The following RPS6KA4 variants were observed in gnomAD, a reference collection of about 807,000 sequenced individuals.
RPS6KA4 encodes the protein ribosomal protein S6 kinase A4.
Under a neutral mutation model 89.6 loss-of-function variants are expected in RPS6KA4, and 38 were observed. The ratio of observed to expected loss-of-function variants is 0.42; its 90% confidence interval spans 0.33 to 0.56. RPS6KA4 has a LOEUF of 0.56. Among genes scored for constraint, RPS6KA4 ranks in the 20% least tolerant of loss-of-function variants. The pLI is 0.07. For synonymous variants in RPS6KA4, 495 were observed against 492.8 expected (o/e 1.00, Z -0.06); for missense variants, 873 against 1,098.8 (o/e 0.79, Z 2.90).
In RPS6KA4 at chr11:64,365,428, C is replaced by A; in HGVS notation, c.1034C>A (p.Pro345His). 1 of 1,614,078 alleles carries A rather than the reference C, an allele frequency of 6.2e-7. No individual in the cohort carries two copies. Among genetic ancestry groups the A allele is most frequent in the Non-Finnish European group, 8.5e-7 (1 of 1,180,018 alleles). The change falls in exon 9 of 17, where the codon CCT (proline) becomes CAT (histidine). Residue 345 changes from proline (P) to histidine (H), a missense_variant. By Grantham distance (77) the Pro-to-His change is moderately conservative. Coordinates refer to ENST00000334205, the MANE Select transcript of RPS6KA4 (RefSeq NM_003942.3). ...CGGCTGGAGCCTGTCTACTCACCCC[C>A]TGGCAGCCCCCCACCTGGGGACCCC... is the stretch of plus-strand genomic sequence containing the variant. ...FTRLEPVYSP[P>H]GSPPPGDPRI...
chr11:64,365,729 A>G (rs1431218027), intron 9 of RPS6KA4, among the ~76,000 whole-genome samples: 1 of 152,200 alleles, frequency 6.6e-6, no homozygotes, highest in Non-Finnish European at 1.5e-5. Context: ...TTGTTATGTA[A>G]AAATATTGTT....
chr11:64,361,569 G>A lies in RPS6KA4; in HGVS notation c.651+20G>A. 1.2e-6 allele frequency: 2 copies of A among 1,613,976 alleles called. No individual in the cohort carries two copies. Among genetic ancestry groups the A allele is most frequent in the Non-Finnish European group, 1.7e-6 (2 of 1,179,992 alleles). On this transcript the variant is annotated intron_variant, in intron 6 of 16. Transcript: ENST00000334205. The surrounding 1 kb of genome is among the most constrained non-coding windows in gnomAD (Gnocchi z 4.7). Reference sequence around the variant, plus strand: ...GGCAAGGTAGGTTGGCAGGGAAGTGGGGCTGGGGGAGGTGGAAAGGTGGGG... The same window carrying A: ...GGCAAGGTAGGTTGGCAGGGAAGTGAGGCTGGGGGAGGTGGAAAGGTGGGG...
intron 4 of RPS6KA4, 151 bp downstream of exon 4, chr11:64,360,743 C>A: frequency 1.5e-6 from 1 of 678,138 alleles, no homozygotes; most frequent in Non-Finnish European, 2.4e-6. Context: ...TTCCCCTGGA[C>A]CCCTTGCAGG....
At chr11:64,362,637 C>T (rs2036785207) in intron 8 of RPS6KA4, among the ~76,000 whole-genome samples, 2 of 152,222 alleles carry the variant, frequency 1.3e-5, no homozygotes, top group South Asian at 4.1e-4. Flanking sequence ...TGTGTCGGCC[C>T]TTTGCGGACA....
rs1042013912 is a variant in RPS6KA4, at chr11:64,370,574, G to C, written c.1969G>C (p.Val657Leu). The C allele has an allele frequency of 6.3e-7, 1 of 1,592,678 alleles. No homozygotes were observed. Among genetic ancestry groups the C allele is most frequent in the Non-Finnish European group, 8.5e-7 (1 of 1,175,950 alleles). The change falls in exon 16 of 17, where the codon GTG becomes CTG. Residue 657 changes from valine (V) to leucine (L), a missense_variant. Val to Leu is a conservative substitution (Grantham distance 32). This residue lies in a region of RPS6KA4 where 278 missense variants were observed against 284.8 expected (regional missense o/e 0.98). Transcript: ENST00000334205. The surrounding 1 kb of genome is among the most constrained non-coding windows in gnomAD (Gnocchi z 4.1). ...AKELVRGLLT[V>L]DPAKRLKLEG... ...TGCCCCGCCTCCAGGGCTCCTGACC[G>C]TGGACCCCGCCAAGCGGCTGAAGCT... is the stretch of plus-strand genomic sequence containing the variant.
intron 12 of RPS6KA4, 142 bp from the exon 13 acceptor site, chr11:64,369,300 CAAAG>C (rs59909471): frequency 1.2e-5 from 9 of 748,720 alleles, no homozygotes; most frequent in Middle Eastern, 4.2e-4. Flanking sequence ...AAAAAAGTAA[CAAAG>C]AAAGAAAGAA....
Position 64,362,105 on chromosome 11 carries a change from C to T in RPS6KA4, c.906+103C>T, listed in dbSNP as rs945154371. On this transcript the variant is annotated intron_variant, in intron 8 of 16. Transcript: ENST00000334205. Reference sequence around the variant, plus strand: ...GCCAGTTTCACTTTATTTGGAAATCCCCCCAGAGAAAGAAAGCAAGTGTGT... The same window carrying T: ...GCCAGTTTCACTTTATTTGGAAATCTCCCCAGAGAAAGAAAGCAAGTGTGT... The T allele has an allele frequency of 1.5e-5, 21 of 1,377,656 alleles. No individual in the cohort carries two copies. In the African/African-American group the frequency reaches 3.2e-4, roughly 21 times the overall value. 85.3% of individuals were successfully genotyped at this position (1,377,656 alleles called of 1,614,324 possible).
In RPS6KA4 at chr11:64,360,365, G is replaced by A; in HGVS notation, c.330G>A (p.Lys110=). 1.3e-6 allele frequency: 2 copies of A among 1,550,202 alleles called. No individual in the cohort carries two copies. Among genetic ancestry groups the A allele is most frequent in the Non-Finnish European group, 1.7e-6 (2 of 1,146,488 alleles). ...ACTACGCTTTCCAGACGGATGCCAA[G>A]CTGCACCTCATCCTGGGTGAGCGCA... ...TLHYAFQTDA[K]LHLILDYVSG... The change falls in exon 3 of 17, where the codon AAG becomes AAA. Residue 110 remains lysine (K), a synonymous_variant. Transcript: ENST00000334205.
chr11:64,365,496 G>A, intron 9 of RPS6KA4, 31 bp downstream of exon 9: 1 of 1,611,982 alleles, frequency 6.2e-7, no homozygotes, highest in Non-Finnish European at 8.5e-7. Flanking sequence ...CCCAGATGCA[G>A]GAGAGATGAG....
At chr11:64,368,002 A>G in intron 9 of RPS6KA4, 130 bp from the exon 10 acceptor site, 1 of 876,918 alleles carries the variant, frequency 1.1e-6, no homozygotes, top group Non-Finnish European at 1.8e-6. Context: ...GTGTACCAGA[A>G]TGCAACTGGA....
At chr11:64,365,225 C>A (rs1159150224) in intron 8 of RPS6KA4, 76 bp from the exon 9 acceptor site, 15 of 1,533,958 alleles carry the variant, frequency 9.8e-6, no homozygotes, top group Non-Finnish European at 1.3e-5. Context: ...AGGAACTGCC[C>A]AGTGAGGGTG....
intron 12 of RPS6KA4, among the ~76,000 whole-genome samples, 177 bp from the exon 13 acceptor site, chr11:64,369,269 C>T (rs1211155956): frequency 1.3e-5 from 2 of 150,614 alleles, no homozygotes; most frequent in Admixed American, 6.6e-5. Flanking sequence ...CCAGCCTGGG[C>T]GACAAAGCGA....
chr11:64,366,373 G>A (rs1318259946), intron 9 of RPS6KA4, among the ~76,000 whole-genome samples: 1 of 152,116 alleles, frequency 6.6e-6, no homozygotes, highest in Non-Finnish European at 1.5e-5. Flanking sequence ...GTTTCACCAT[G>A]TTGGCCTGGA....
chr11:64,360,553 T>TG lies in RPS6KA4; in HGVS notation c.428dup (p.Glu144Ter). The stretch of plus-strand genomic sequence containing the variant: ...TCAAGGAGGCTGAGGTGCGCGTGTA[T>TG]GGGGGTGAGATCGTGCTGGCCCTGG... On this transcript the variant is annotated frameshift_variant, in exon 4 of 17. Transcript: ENST00000334205. LOFTEE classifies it high-confidence loss of function. 1 of 1,612,070 alleles carries TG rather than the reference T, an allele frequency of 6.2e-7. No homozygotes were observed. The highest frequency in any genetic ancestry group is 8.5e-7 in the Non-Finnish European group (1 of 1,179,194).
At position 64,371,696 on chromosome 11, in the gene RPS6KA4, G is replaced by A. The variant is rs1220265500; in HGVS notation, c.*216G>A. On this transcript the variant is annotated 3_prime_UTR_variant, in exon 17 of 17. Coordinates refer to ENST00000334205, the MANE Select transcript of RPS6KA4 (RefSeq NM_003942.3). ...TTGCAGGGAAGGGGGGGCCTGCTGG[G>A]GAGTGGGGTTTGGGGGGCCCTCTCC... is the stretch of plus-strand genomic sequence containing the variant. The A allele has an allele frequency of 1.9e-5, 9 of 484,422 alleles. No homozygotes were observed. In the South Asian group the frequency reaches 2.4e-4, roughly 13 times the overall value. 30.0% of individuals were successfully genotyped at this position (484,422 alleles called of 1,614,324 possible). A position where few individuals can be genotyped will look rare whatever the true frequency, so the allele number is the denominator to read the frequency against.
chr11:64,364,150 T>G (rs1280735371), intron 8 of RPS6KA4, among the ~76,000 whole-genome samples: 1 of 9,762 alleles, frequency 1.0e-4, no homozygotes, highest in East Asian at 0.016. Context: ...TTCTTTTTTT[T>G]TTTTTAATTT....
Position 64,369,710 on chromosome 11 carries a change from C to T in RPS6KA4, c.1614C>T (p.Tyr538=), listed in dbSNP as rs1347530599. 7 of 1,608,424 alleles carry T rather than the reference C, an allele frequency of 4.4e-6. No individual in the cohort carries two copies. The highest frequency in any genetic ancestry group is 1.1e-5 in the South Asian group (1 of 90,830). Residue 538 remains tyrosine, a synonymous_variant, in exon 14 of 17, where the codon TAC becomes TAT. Transcript: ENST00000334205. ...CGCCGCCCTCGCAGAACATCCTGTA[C>T]GCCGACGACACGCCCGGGGCCCCGG... The part of the protein sequence containing the change: ...HRDLKPENIL[Y]ADDTPGAPVK...
Position 64,371,453 on chromosome 11 carries a change from A to G in RPS6KA4, c.2292A>G (p.Arg764=). 1 of 1,474,052 alleles carries G rather than the reference A, an allele frequency of 6.8e-7. No individual in the cohort carries two copies. The highest frequency in any genetic ancestry group is 9.3e-7 in the Non-Finnish European group (1 of 1,080,376). 91.3% of individuals were successfully genotyped at this position (1,474,052 alleles called of 1,614,324 possible). A position where few individuals can be genotyped will look rare whatever the true frequency, so the allele number is the denominator to read the frequency against. ...TCGCCTCCAAAGGGGCCCCCCGCCG[A>G]GCCAACGGCCCCCTGCCCCCCTCCT... ...APVASKGAPR[R]ANGPLPPS The change falls in exon 17 of 17, where the codon CGA becomes CGG. Residue 764 remains arginine, a synonymous_variant. Coordinates refer to ENST00000334205, the MANE Select transcript of RPS6KA4 (RefSeq NM_003942.3).
In RPS6KA4 at chr11:64,369,805, G is replaced by A; in HGVS notation, c.1709G>A (p.Cys570Tyr). The stretch of plus-strand genomic sequence containing the variant: ...CCCGGGGTGCCCATGCAGACGCCCT[G>A]CTTCACGCTGCAGTACGCTGCCCCC... Reference protein sequence around the residue: ...QSPGVPMQTPCFTLQYAAPEL... With the variant: ...QSPGVPMQTPYFTLQYAAPEL... Residue 570 changes from cysteine to tyrosine, a missense_variant, in exon 14 of 17, where the codon TGC (cysteine) becomes TAC (tyrosine). By Grantham distance (194) the Cys-to-Tyr change is radical. This residue lies in a region of RPS6KA4 where 542 missense variants were observed against 736.4 expected (regional missense o/e 0.74). Coordinates refer to ENST00000334205, the MANE Select transcript of RPS6KA4 (RefSeq NM_003942.3). 3 of 1,606,928 alleles carry A rather than the reference G, an allele frequency of 1.9e-6. No homozygotes were observed. Among genetic ancestry groups the A allele is most frequent in the Non-Finnish European group, 2.5e-6 (3 of 1,177,538 alleles).
Sources: gnomAD v4.1 joint callset for allele counts (sites outside exome capture counted in the v4.1 genomes callset) on GRCh38, gnomAD v4.1.1 for gene constraint, gnomAD v4.1.1 regional missense constraint, Gnocchi (gnomAD v3.1) non-coding constraint, MANE v1.5 for transcripts, NCBI Gene and HGNC (gene_info 2026-07-23, HGNC 2026-07-21) for gene names.